The following RCAN1 variants were observed in gnomAD, a reference collection of about 807,000 sequenced individuals.
RCAN1 encodes regulator of calcineurin 1, also known as calcipressin-1.
In RCAN1, 11 loss-of-function variants were observed where a neutral mutation model predicts 22.9. That is an observed-to-expected ratio of 0.48 (90% CI 0.30 to 0.79). RCAN1 has a LOEUF of 0.79. Ranked by LOEUF, RCAN1 falls within the 30% of genes least tolerant of loss-of-function variation. RCAN1 has a pLI of 0.06. For missense variants in RCAN1, 291 were observed against 337.8 expected, an observed-to-expected ratio of 0.86 and a Z score of 1.09; for synonymous variants, 136 against 142.3, an observed-to-expected ratio of 0.96 and a Z score of 0.32.
At chr21:34,532,977 T>C (rs1985474836) in intron 1 of RCAN1, among the ~76,000 whole-genome samples, 1 of 151,708 alleles carries the variant, frequency 6.6e-6, no homozygotes, top group Admixed American at 6.6e-5. Flanking sequence ...TTTTTTTTTT[T>C]TGAGACGGAG....
intron 1 of RCAN1, among the ~76,000 whole-genome samples, chr21:34,544,564 C>T (rs1464611443): frequency 6.6e-6 from 1 of 152,186 alleles, no homozygotes; most frequent in African/African-American, 2.4e-5. Context: ...TTGTAAGCCA[C>T]TAGATTTGTA....
At chr21:34,602,970 G>A (rs775294991) in intron 1 of RCAN1, among the ~76,000 whole-genome samples, 3 of 152,146 alleles carry the variant, frequency 2.0e-5, no homozygotes, top group Admixed American at 2.0e-4. Context: ...AACAAAGCGG[G>A]CAGCATCTCC....
intron 1 of RCAN1, among the ~76,000 whole-genome samples, chr21:34,601,464 G>A (rs1015788371): frequency 7.9e-5 from 12 of 152,152 alleles, no homozygotes; most frequent in African/African-American, 2.9e-4. Flanking sequence ...CCTTACTGCT[G>A]TACATTGATG....
chr21:34,539,151 T>A (rs1052825422), intron 1 of RCAN1, among the ~76,000 whole-genome samples: 3 of 152,194 alleles, frequency 2.0e-5, no homozygotes, highest in Non-Finnish European at 2.9e-5. Flanking sequence ...GACTCAACAA[T>A]TTCACTCCTA....
At chr21:34,570,417 T>C (rs79155475) in intron 1 of RCAN1, among the ~76,000 whole-genome samples, 2,039 of 152,298 alleles carry the variant, frequency 0.013, 48 homozygotes, top group East Asian at 0.094. Context: ...CTGGTAAATA[T>C]GGAAAAAACA....
At chr21:34,529,311 T>C (rs975832390) in intron 1 of RCAN1, among the ~76,000 whole-genome samples, 3 of 152,196 alleles carry the variant, frequency 2.0e-5, no homozygotes, top group Non-Finnish European at 4.4e-5. Context: ...ATGGAGCAGA[T>C]TTGAGTTTCC....
chr21:34,565,042 T>TAAAC (rs1012891891), intron 1 of RCAN1, among the ~76,000 whole-genome samples: 1 of 151,664 alleles, frequency 6.6e-6, no homozygotes, highest in Non-Finnish European at 1.5e-5. Context: ...CTACCAAAAT[T>TAAAC]AAACAAACAA....
chr21:34,528,802 C>G lies in RCAN1; in HGVS notation c.253-5092G>C, dbSNP rs1426006507. Among the ~76,000 whole-genome samples, 17 of 152,298 alleles carry G rather than the reference C, an allele frequency of 1.1e-4. No individual in the cohort carries two copies. In the East Asian group the frequency reaches 3.3e-3, roughly 29 times the overall value. On this transcript the variant is annotated intron_variant, in intron 1 of 3. Transcript: ENST00000313806. ...GAGACAGAAGAGGCTAATTTAGACA[C>G]AAGAGGCTGATTTCACTGTCTTCTT...
chr21:34,546,276 G>A lies in RCAN1; in HGVS notation c.253-22566C>T, dbSNP rs5010065. Among the ~76,000 whole-genome samples the A allele has an allele frequency of 6.4e-3, 966 of 151,910 alleles. 14 individuals are homozygous for A. Among genetic ancestry groups the A allele is most frequent in the African/African-American group, 0.022 (921 of 41,410 alleles). On this transcript the variant is annotated intron_variant, in intron 1 of 3. Coordinates refer to ENST00000313806, the MANE Select transcript of RCAN1 (RefSeq NM_004414.7). ...TCTTCCTTACATTTCTTCCCAGCAG[G>A]CCAAGAACTTACTAAACTCTGGCTC...
At chr21:34,612,964 C>T (rs545824554) in intron 1 of RCAN1, among the ~76,000 whole-genome samples, 92 of 152,314 alleles carry the variant, frequency 6.0e-4, no homozygotes, top group Middle Eastern at 3.4e-3. Flanking sequence ...TATCACTATC[C>T]GAAATGATCT....
At chr21:34,608,368 G>A (rs550546680) in intron 1 of RCAN1, among the ~76,000 whole-genome samples, 3 of 152,154 alleles carry the variant, frequency 2.0e-5, no homozygotes, top group East Asian at 1.9e-4. Flanking sequence ...TGCACTTACC[G>A]ACTCGCTTCT....
At chr21:34,601,797 A>T (rs1037140156) in intron 1 of RCAN1, among the ~76,000 whole-genome samples, 28 of 149,898 alleles carry the variant, frequency 1.9e-4, no homozygotes, top group South Asian at 2.2e-4. Context: ...CAGCCTGGGC[A>T]ACAGAGTGAG....
At chr21:34,524,847 G>A (rs562999554) in intron 1 of RCAN1, among the ~76,000 whole-genome samples, 44 of 152,274 alleles carry the variant, frequency 2.9e-4, no homozygotes, top group Admixed American at 7.8e-4. Context: ...TGTGGCTGTC[G>A]GTGGGGGCAG....
At chr21:34,610,283 C>A (rs903432175) in intron 1 of RCAN1, among the ~76,000 whole-genome samples, 5 of 152,220 alleles carry the variant, frequency 3.3e-5, no homozygotes, top group Non-Finnish European at 7.3e-5. Context: ...TGATGTCCTG[C>A]GACCAGAAAA....
At chr21:34,559,584 G>T (rs1470910330) in intron 1 of RCAN1, among the ~76,000 whole-genome samples, 1 of 151,708 alleles carries the variant, frequency 6.6e-6, no homozygotes, top group African/African-American at 2.4e-5. Flanking sequence ...TCCCACAGAG[G>T]GTCCTGATGT....
chr21:34,523,754 C>A, intron 1 of RCAN1, 44 bp from the exon 2 acceptor site: 1 of 1,504,254 alleles, frequency 6.6e-7, no homozygotes, highest in Non-Finnish European at 9.1e-7. Context: ...AATTTACCTG[C>A]ATATGACCCT....
intron 1 of RCAN1, among the ~76,000 whole-genome samples, chr21:34,527,913 AAGGGAAGATGC>A (rs1280078784): frequency 1.3e-5 from 2 of 152,086 alleles, no homozygotes; most frequent in Non-Finnish European, 2.9e-5. Context: ...CTATAATTGA[AAGGGAAGATGC>A]AGGGAAGATG....
At chr21:34,523,797 C>A in intron 1 of RCAN1, 87 bp from the exon 2 acceptor site, 1 of 917,400 alleles carries the variant, frequency 1.1e-6, no homozygotes, top group Non-Finnish European at 1.6e-6. Flanking sequence ...TTTTTTTTTT[C>A]TTCGAGACAG....
chr21:34,545,142 G>A (rs995374788), intron 1 of RCAN1, among the ~76,000 whole-genome samples: 2 of 152,174 alleles, frequency 1.3e-5, no homozygotes, highest in Non-Finnish European at 2.9e-5. Flanking sequence ...TAAACCAAGA[G>A]GCAAAAGCAA....
Sources: gnomAD v4.1 joint callset for allele counts (sites outside exome capture counted in the v4.1 genomes callset) on GRCh38, gnomAD v4.1.1 for gene constraint, MANE v1.5 for transcripts, NCBI Gene and HGNC (gene_info 2026-07-23, HGNC 2026-07-21) for gene names.